The following LCLAT1 variants were observed in gnomAD, a reference collection of about 807,000 sequenced individuals.
LCLAT1 encodes the protein lysocardiolipin acyltransferase 1.
A neutral mutation model predicts 30.7 loss-of-function variants in LCLAT1; 11 were observed. That is an observed-to-expected ratio of 0.36 (90% CI 0.23 to 0.59). LCLAT1 has a LOEUF of 0.59. Among genes scored for constraint, LCLAT1 ranks in the 20% least tolerant of loss-of-function variants. LCLAT1 has a pLI of 0.77. For missense variants in LCLAT1, 402 were observed against 458.6 expected (o/e 0.88, Z 1.13); for synonymous variants, 155 against 151.3 (o/e 1.02, Z -0.18).
At chr2:30,562,504 C>CA (rs1330539118) in intron 4 of LCLAT1, among the ~76,000 whole-genome samples, 4 of 146,952 alleles carry the variant, frequency 2.7e-5, no homozygotes, top group African/African-American at 8.0e-5. Context: ...GACTTCATCT[C>CA]AAAAAAACAA....
At chr2:30,518,306 A>G (rs1685289628) in intron 1 of LCLAT1, among the ~76,000 whole-genome samples, 1 of 152,154 alleles carries the variant, frequency 6.6e-6, no homozygotes, top group Non-Finnish European at 1.5e-5. Context: ...ACAGGACAAT[A>G]AATAGTTCCT....
At chr2:30,579,369 A>G (rs1202791217) in intron 5 of LCLAT1, among the ~76,000 whole-genome samples, 3 of 152,192 alleles carry the variant, frequency 2.0e-5, no homozygotes, top group Non-Finnish European at 2.9e-5. Context: ...TCGTAAATGC[A>G]TATAATCTGA....
At chr2:30,593,194 A>G (rs72858988) in intron 5 of LCLAT1, among the ~76,000 whole-genome samples, 6,057 of 152,238 alleles carry the variant, frequency 0.04, 422 homozygotes, top group African/African-American at 0.14. Context: ...ACTTATTTTA[A>G]TATGATTACT....
chr2:30,490,219 T>TTTTA (rs1342895477), intron 1 of LCLAT1, among the ~76,000 whole-genome samples: 2 of 151,066 alleles, frequency 1.3e-5, no homozygotes, highest in East Asian at 3.9e-4. Context: ...TTTTTTTTTT[T>TTTTA]TGAGACAGAG....
At chr2:30,524,602 C>T (rs1685620228) in intron 1 of LCLAT1, among the ~76,000 whole-genome samples, 1 of 152,168 alleles carries the variant, frequency 6.6e-6, no homozygotes, top group Admixed American at 6.5e-5. Flanking sequence ...TCTCTCGTCG[C>T]ATCCAGGACG....
At chr2:30,511,598 A>G (rs891392627) in intron 1 of LCLAT1, among the ~76,000 whole-genome samples, 2 of 152,212 alleles carry the variant, frequency 1.3e-5, no homozygotes, top group East Asian at 1.9e-4. Context: ...CATAGGACCA[A>G]AGATCTTGTT....
chr2:30,575,404 AAAG>A, intron 5 of LCLAT1, among the ~76,000 whole-genome samples: 1 of 152,248 alleles, frequency 6.6e-6, no homozygotes, highest in African/African-American at 2.4e-5. Flanking sequence ...ACAAATTTTT[AAAG>A]ATGACCTAAT....
At chr2:30,507,222 T>A (rs555837987) in intron 1 of LCLAT1, among the ~76,000 whole-genome samples, 3 of 141,754 alleles carry the variant, frequency 2.1e-5, no homozygotes, top group African/African-American at 7.3e-5. Flanking sequence ...TATATTTGTT[T>A]TAACTGACTC....
chr2:30,521,302 G>T (rs1264099109), intron 1 of LCLAT1, among the ~76,000 whole-genome samples: 1 of 152,022 alleles, frequency 6.6e-6, no homozygotes. Flanking sequence ...TCTGTCTGTG[G>T]AGTAGCCATT....
chr2:30,479,997 C>T (rs986615996), intron 1 of LCLAT1, among the ~76,000 whole-genome samples: 4 of 152,148 alleles, frequency 2.6e-5, no homozygotes, highest in African/African-American at 7.2e-5. Context: ...AGGTTAAACA[C>T]TTTCATCCTT....
At chr2:30,622,246 G>T (rs1325830476) in intron 5 of LCLAT1, among the ~76,000 whole-genome samples, 1 of 152,130 alleles carries the variant, frequency 6.6e-6, no homozygotes, top group Non-Finnish European at 1.5e-5. Context: ...AGCAGCCACA[G>T]CAAGCCCTGC....
chr2:30,462,694 A>G (rs982442996), intron 1 of LCLAT1, among the ~76,000 whole-genome samples: 2 of 152,136 alleles, frequency 1.3e-5, no homozygotes, highest in Non-Finnish European at 2.9e-5. Flanking sequence ...TTTAGAATGA[A>G]CCAAAATCTA....
At chr2:30,581,586 A>G (rs569799988) in intron 5 of LCLAT1, among the ~76,000 whole-genome samples, 116 of 152,210 alleles carry the variant, frequency 7.6e-4, no homozygotes, top group Non-Finnish European at 1.5e-3. Flanking sequence ...CCATAAAAAG[A>G]ATGAAATCTC....
chr2:30,604,213 C>T (rs926242005), intron 5 of LCLAT1, among the ~76,000 whole-genome samples: 1 of 152,170 alleles, frequency 6.6e-6, no homozygotes, highest in Non-Finnish European at 1.5e-5. Flanking sequence ...TCCCATGCTT[C>T]AGCAACTTGC....
At chr2:30,599,008 G>C (rs1017639222) in intron 5 of LCLAT1, among the ~76,000 whole-genome samples, 2 of 121,042 alleles carry the variant, frequency 1.7e-5, no homozygotes, top group Non-Finnish European at 3.7e-5. Context: ...GAGATAGATA[G>C]AGTCTCACTC....
chr2:30,461,860 T>A (rs1184354576), intron 1 of LCLAT1, among the ~76,000 whole-genome samples: 1 of 145,494 alleles, frequency 6.9e-6, no homozygotes, highest in South Asian at 2.3e-4. Context: ...AAGCTCCGCC[T>A]CCCGGGTTCA....
intron 5 of LCLAT1, among the ~76,000 whole-genome samples, chr2:30,582,410 TC>T (rs980303176): frequency 2.3e-4 from 35 of 152,304 alleles, no homozygotes; most frequent in African/African-American, 7.9e-4. Context: ...GATATATAAC[TC>T]CTCTTCACAA....
At chr2:30,518,302 CAATA>C (rs920573686) in intron 1 of LCLAT1, among the ~76,000 whole-genome samples, 17 of 152,016 alleles carry the variant, frequency 1.1e-4, no homozygotes, top group African/African-American at 3.6e-4. Context: ...GAGGACAGGA[CAATA>C]AATAGTTCCT....
intron 1 of LCLAT1, among the ~76,000 whole-genome samples, chr2:30,454,202 T>A (rs767832556): frequency 9.2e-5 from 14 of 152,206 alleles, no homozygotes; most frequent in Non-Finnish European, 1.6e-4. Flanking sequence ...TGTGGGAGAT[T>A]TAAATGAGAC....
Sources: allele counts gnomAD v4.1 joint callset (sites outside exome capture counted in the v4.1 genomes callset), GRCh38; gene constraint gnomAD v4.1.1; transcripts MANE v1.5; gene names NCBI Gene and HGNC (gene_info 2026-07-23, HGNC 2026-07-21).